LDB2: variants seen among roughly 807,000 people sequenced by gnomAD.
LDB2 encodes the protein LIM domain-binding protein 2.
LDB2 carries 12 observed loss-of-function variants against 44.3 expected under a neutral mutation model. That is an observed-to-expected ratio of 0.27 (90% CI 0.17 to 0.44). The LOEUF is 0.44. Ranked by LOEUF, LDB2 falls within the 20% of genes least tolerant of loss-of-function variation. LDB2 has a pLI of 1.00. For missense variants in LDB2, 344 were observed against 473.5 expected (o/e 0.73, Z 2.54); for synonymous variants, 164 against 174.8 (o/e 0.94, Z 0.49).
intron 1 of LDB2, among the ~76,000 whole-genome samples, chr4:16,807,298 T>G (rs889004001): frequency 6.6e-6 from 1 of 152,246 alleles, no homozygotes; most frequent in African/African-American, 2.4e-5. Context: ...AAGTAGAATA[T>G]TTCAAGAGCC....
intron 5 of LDB2, among the ~76,000 whole-genome samples, chr4:16,561,286 T>A (rs1262922628): frequency 1.3e-5 from 2 of 152,228 alleles, no homozygotes; most frequent in Admixed American, 1.3e-4. Flanking sequence ...TTGTCCCTGT[T>A]TGCAGATGAC....
chr4:16,731,278 T>C (rs1760694639), intron 2 of LDB2, among the ~76,000 whole-genome samples: 1 of 152,094 alleles, frequency 6.6e-6, no homozygotes, highest in African/African-American at 2.4e-5. Flanking sequence ...ACAGCCAACT[T>C]CCCACTTTGT....
At chr4:16,851,102 T>C (rs1788144957) in intron 1 of LDB2, among the ~76,000 whole-genome samples, 1 of 151,826 alleles carries the variant, frequency 6.6e-6, no homozygotes, top group South Asian at 2.1e-4. Flanking sequence ...TGCTAGTGAA[T>C]AGTAAACAGC....
At chr4:16,857,206 C>T (rs1459224906) in intron 1 of LDB2, among the ~76,000 whole-genome samples, 1 of 152,174 alleles carries the variant, frequency 6.6e-6, no homozygotes, top group Non-Finnish European at 1.5e-5. Context: ...CCCTTTGTTT[C>T]TTTGACATGT....
At chr4:16,855,314 C>T (rs1310324635) in intron 1 of LDB2, among the ~76,000 whole-genome samples, 2 of 152,106 alleles carry the variant, frequency 1.3e-5, no homozygotes, top group Non-Finnish European at 2.9e-5. Context: ...TTTGTCACCA[C>T]CATGCACTCA....
Position 16,832,230 on chromosome 4 carries a change from CAAG to C in LDB2, c.132+66121_132+66123del, listed in dbSNP as rs1188927901. ...TCATGTTCTCTCATCTTCAGTACCC[CAAG>C]AAGAAGGTGTTGGTATTATCATCAT... On this transcript the variant is annotated intron_variant, in intron 1 of 7. Transcript: ENST00000304523. 6.6e-5 allele frequency among the ~76,000 whole-genome samples: 10 copies of C among 152,102 alleles called. No homozygotes were observed. In the East Asian group the frequency reaches 7.7e-4, roughly 12 times the overall value.
intron 2 of LDB2, among the ~76,000 whole-genome samples, chr4:16,731,290 C>A (rs1474718008): frequency 6.6e-6 from 1 of 152,088 alleles, no homozygotes; most frequent in East Asian, 1.9e-4. Flanking sequence ...CCACTTTGTA[C>A]AAACTTATTC....
chr4:16,667,185 C>T (rs1251945366), intron 2 of LDB2, among the ~76,000 whole-genome samples: 4 of 152,174 alleles, frequency 2.6e-5, no homozygotes, highest in Admixed American at 1.3e-4. Context: ...GCACTGCTGA[C>T]GGTTCTCAAA....
At chr4:16,540,709 G>C (rs1365309706) in intron 5 of LDB2, among the ~76,000 whole-genome samples, 2 of 152,066 alleles carry the variant, frequency 1.3e-5, no homozygotes, top group Non-Finnish European at 2.9e-5. Context: ...TGCATAACTG[G>C]ATTTTATTTT....
chr4:16,646,461 T>C (rs145294655), intron 2 of LDB2, among the ~76,000 whole-genome samples: 39 of 152,300 alleles, frequency 2.6e-4, no homozygotes, highest in African/African-American at 8.4e-4. Flanking sequence ...AACTTTCCCA[T>C]GCGTTCAACT....
chr4:16,827,580 A>T (rs532342869), intron 1 of LDB2, among the ~76,000 whole-genome samples: 1 of 152,308 alleles, frequency 6.6e-6, no homozygotes, highest in African/African-American at 2.4e-5. Context: ...TAGTGTCAAA[A>T]AGGCCTTATT....
intron 2 of LDB2, among the ~76,000 whole-genome samples, chr4:16,643,454 T>C (rs1403963426): frequency 6.6e-6 from 1 of 152,224 alleles, no homozygotes; most frequent in East Asian, 1.9e-4. Flanking sequence ...GCATGGCTAA[T>C]TGGCACAAAA....
At position 16,516,051 on chromosome 4, in the gene LDB2, A is replaced by G. The variant is rs570527469; in HGVS notation, c.616-3947T>C. On this transcript the variant is annotated intron_variant, in intron 5 of 7. Transcript: ENST00000304523. ...GCTAATTTTTTGTATTTTTTTTAGTAGAGACGGGATTTCACCGTGTGTCCA... is the reference window on the plus strand; with the variant it reads ...GCTAATTTTTTGTATTTTTTTTAGTGGAGACGGGATTTCACCGTGTGTCCA... Among the ~76,000 whole-genome samples, 840 of 151,446 alleles carry G rather than the reference A, an allele frequency of 5.5e-3. 9 individuals are homozygous for G. Among genetic ancestry groups the G allele is most frequent in the African/African-American group, 0.019 (794 of 41,236 alleles).
intron 1 of LDB2, among the ~76,000 whole-genome samples, chr4:16,860,806 T>C (rs1202541552): frequency 1.3e-5 from 2 of 152,226 alleles, no homozygotes; most frequent in Non-Finnish European, 2.9e-5. Context: ...GGTGAATGTA[T>C]TTTATATCCA....
chr4:16,737,118 C>T (rs530390898), intron 2 of LDB2, among the ~76,000 whole-genome samples: 2 of 152,172 alleles, frequency 1.3e-5, no homozygotes, highest in East Asian at 3.9e-4. Flanking sequence ...TTATGTATTG[C>T]TGGTAGGAGT....
chr4:16,551,219 CAAAT>C (rs1327959282), intron 5 of LDB2, among the ~76,000 whole-genome samples: 1 of 152,018 alleles, frequency 6.6e-6, no homozygotes, highest in Non-Finnish European at 1.5e-5. Flanking sequence ...GGTTATTTCA[CAAAT>C]AAAAAGACTC....
intron 2 of LDB2, among the ~76,000 whole-genome samples, chr4:16,712,505 T>C (rs759824537): frequency 2.0e-5 from 3 of 151,930 alleles, no homozygotes; most frequent in African/African-American, 7.3e-5. Flanking sequence ...TGAGCCAAGA[T>C]TGCACCACTG....
At chr4:16,795,955 A>C (rs1776649167) in intron 1 of LDB2, among the ~76,000 whole-genome samples, 1 of 152,164 alleles carries the variant, frequency 6.6e-6, no homozygotes, top group South Asian at 2.1e-4. Context: ...CTGAGAGGGA[A>C]GGAGGTCCCC....
chr4:16,587,376 C>T (rs1717372349), intron 4 of LDB2, among the ~76,000 whole-genome samples: 1 of 152,182 alleles, frequency 6.6e-6, no homozygotes, highest in East Asian at 1.9e-4. Context: ...AGAGATGTCA[C>T]ATCATTTGCC....
Sources: allele counts gnomAD v4.1 joint callset (sites outside exome capture counted in the v4.1 genomes callset), GRCh38; gene constraint gnomAD v4.1.1; transcripts MANE v1.5; gene names NCBI Gene and HGNC (gene_info 2026-07-23, HGNC 2026-07-21).